Variants in WDFY4 observed in about 807,000 individuals in gnomAD.
WDFY4 encodes WD repeat- and FYVE domain-containing protein 4.
Under a neutral mutation model 351.9 loss-of-function variants are expected in WDFY4, and 169 were observed. That is an observed-to-expected ratio of 0.48 (90% CI 0.42 to 0.55). The LOEUF is 0.55. Ranked by LOEUF, WDFY4 falls within the 20% of genes least tolerant of loss-of-function variation. The pLI, the probability that WDFY4 is intolerant of heterozygous loss-of-function variation, is 0.00. For synonymous variants in WDFY4, 1,622 were observed against 1,574.6 expected (o/e 1.03, Z -0.71); for missense variants, 3,803 against 3,935.6 (o/e 0.97, Z 0.90).
chr10:48,800,717 TCTTTCATTC>T (rs1565213871), intron 24 of WDFY4, among the ~76,000 whole-genome samples: 14 of 134,864 alleles, frequency 1.0e-4, no homozygotes, highest in African/African-American at 4.0e-4. Context: ...TTTCTTTCTT[TCTTTCATTC>T]TTTCTTTTTT....
intron 34 of WDFY4, among the ~76,000 whole-genome samples, chr10:48,821,745 C>A (rs569293897): frequency 2.0e-5 from 3 of 152,312 alleles, no homozygotes; most frequent in Admixed American, 6.5e-5. Context: ...CTTCTCCTTG[C>A]CTCCTACTCA....
intron 59 of WDFY4, 106 bp downstream of exon 59, chr10:48,977,085 A>G (rs1205511368): frequency 1.7e-6 from 2 of 1,168,524 alleles, no homozygotes; most frequent in Non-Finnish European, 2.2e-6. Flanking sequence ...ATTTGAGACC[A>G]TTCCAGAACG....
intron 43 of WDFY4, chr10:48,878,260 G>A (rs1166984611): frequency 6.6e-6 from 1 of 152,462 alleles, no homozygotes; most frequent in Non-Finnish European, 1.5e-5. Flanking sequence ...GGCTGGGACT[G>A]GTGCGCCACA....
chr10:48,864,840 G>T (rs1479819845), intron 39 of WDFY4, among the ~76,000 whole-genome samples: 2 of 152,034 alleles, frequency 1.3e-5, no homozygotes, highest in Non-Finnish European at 2.9e-5. Flanking sequence ...AAGAGGAATC[G>T]CTTTCTTAAT....
chr10:48,731,477 C>T lies in WDFY4; in HGVS notation c.1497C>T (p.Leu499=). ...TCAGCATCGCTGGTGGGGACCCCCT[C>T]TTCACCGACATCTTCCGGGACTCAG... ...SILSIAGGDP[L]FTDIFRDSGL... is the part of the protein sequence containing the mutation. The change falls in exon 9 of 62, where the codon CTC becomes CTT. Residue 499 remains leucine (L), a synonymous_variant. Transcript: ENST00000325239. 3.9e-6 allele frequency: 6 copies of T among 1,551,672 alleles called. No homozygotes were observed. The highest frequency in any genetic ancestry group is 5.2e-6 in the Non-Finnish European group (6 of 1,146,992).
At chr10:48,889,096 T>C (rs1444967081) in intron 43 of WDFY4, among the ~76,000 whole-genome samples, 1 of 152,228 alleles carries the variant, frequency 6.6e-6, no homozygotes, top group African/African-American at 2.4e-5. Flanking sequence ...TGAGTCCACT[T>C]TGGACTCTGG....
chr10:48,761,356 G>T (rs2065497824), intron 13 of WDFY4, among the ~76,000 whole-genome samples: 1 of 152,192 alleles, frequency 6.6e-6, no homozygotes, highest in Non-Finnish European at 1.5e-5. Context: ...CATTACATTG[G>T]CTGCTTGGTG....
At chr10:48,772,543 CT>C (rs370554273) in intron 13 of WDFY4, among the ~76,000 whole-genome samples, 19,638 of 82,906 alleles carry the variant, frequency 0.24, 1,726 homozygotes, top group Middle Eastern at 0.3. Flanking sequence ...TTTGCATTTT[CT>C]TTTTTTTTTT....
At chr10:48,963,606 G>A (rs569195190) in intron 53 of WDFY4, among the ~76,000 whole-genome samples, 90 of 152,290 alleles carry the variant, frequency 5.9e-4, no homozygotes, top group African/African-American at 2.0e-3. Context: ...ACATGGTTGA[G>A]CTGGGGTGGT....
At chr10:48,946,637 C>A (rs769623769) in intron 50 of WDFY4, among the ~76,000 whole-genome samples, 4 of 152,020 alleles carry the variant, frequency 2.6e-5, no homozygotes, top group Non-Finnish European at 5.9e-5. Context: ...GTGACTCTAG[C>A]TCCCAAACTT....
At chr10:48,882,769 G>A (rs2070304600) in intron 43 of WDFY4, among the ~76,000 whole-genome samples, 1 of 152,158 alleles carries the variant, frequency 6.6e-6, no homozygotes, top group Admixed American at 6.5e-5. Context: ...AGCAAGGACA[G>A]CACCAAGACA....
At chr10:48,903,465 T>A (rs2377653) in intron 47 of WDFY4, among the ~76,000 whole-genome samples, 45,014 of 152,126 alleles carry the variant, frequency 0.3, 7,733 homozygotes, top group East Asian at 0.7. Flanking sequence ...TGAGAGATGA[T>A]GGTGGCTTGG....
chr10:48,688,840 G>A (rs1205974017), intron 1 of WDFY4, among the ~76,000 whole-genome samples: 1 of 152,166 alleles, frequency 6.6e-6, no homozygotes, highest in African/African-American at 2.4e-5. Context: ...TTTAGGTATA[G>A]AGCATGGGAG....
intron 39 of WDFY4, among the ~76,000 whole-genome samples, chr10:48,862,910 A>G (rs1433048736): frequency 6.6e-6 from 1 of 152,190 alleles, no homozygotes; most frequent in Admixed American, 6.5e-5. Context: ...TCACTAATAT[A>G]CTTTCTCTAT....
chr10:48,917,209 TG>T (rs1415955066), intron 47 of WDFY4, among the ~76,000 whole-genome samples: 1 of 152,224 alleles, frequency 6.6e-6, no homozygotes, highest in Non-Finnish European at 1.5e-5. Flanking sequence ...TGCCTAAGGA[TG>T]TATTTCTCAG....
intron 52 of WDFY4, among the ~76,000 whole-genome samples, chr10:48,957,729 T>C (rs1478580686): frequency 6.6e-6 from 1 of 152,214 alleles, no homozygotes; most frequent in Non-Finnish European, 1.5e-5. Context: ...GGTAGACTGC[T>C]GGGTGGGATC....
intron 42 of WDFY4, among the ~76,000 whole-genome samples, 166 bp downstream of exon 42, chr10:48,875,306 C>T (rs1480291729): frequency 6.6e-6 from 1 of 152,188 alleles, no homozygotes; most frequent in East Asian, 1.9e-4. Context: ...AAGTCGATTT[C>T]AGCCCTAGAC....
intron 44 of WDFY4, among the ~76,000 whole-genome samples, chr10:48,891,943 A>G (rs1454311431): frequency 1.3e-5 from 2 of 152,234 alleles, no homozygotes; most frequent in African/African-American, 4.8e-5. Flanking sequence ...AATGCTTTAA[A>G]ATGCTTGGCA....
chr10:48,908,544 A>G (rs1221647381), intron 47 of WDFY4, among the ~76,000 whole-genome samples: 1 of 152,144 alleles, frequency 6.6e-6, no homozygotes, highest in Non-Finnish European at 1.5e-5. Flanking sequence ...TTAGATTCTC[A>G]TGTTAAGCTT....
Sources: allele counts gnomAD v4.1 joint callset (sites outside exome capture counted in the v4.1 genomes callset), GRCh38; gene constraint gnomAD v4.1.1; transcripts MANE v1.5; gene names NCBI Gene and HGNC (gene_info 2026-07-23, HGNC 2026-07-21).